Variants in MMP26 observed in about 807,000 individuals in gnomAD.
The protein encoded by MMP26 is matrix metalloproteinase-26.
A neutral mutation model predicts 31.0 loss-of-function variants in MMP26; 33 were observed. The observed-to-expected ratio is 1.06, with a 90% CI of 0.81 to 1.42. The LOEUF is 1.42. MMP26 is among the 40% of genes most tolerant of loss of function. The probability of loss-of-function intolerance (pLI) is 0.00; values close to 1 mark genes in which losing one functional copy is unlikely to be tolerated. For missense variants in MMP26, 347 were observed against 316.1 expected, an observed-to-expected ratio of 1.10 and a Z score of -0.74; for synonymous variants, 122 against 114.9, an observed-to-expected ratio of 1.06 and a Z score of -0.40.
intron 2 of MMP26, among the ~76,000 whole-genome samples, chr11:4,985,616 C>T (rs1054370113): frequency 1.3e-5 from 2 of 152,180 alleles, no homozygotes; most frequent in African/African-American, 4.8e-5. Flanking sequence ...CATTTGACCA[C>T]ATACATTACC....
intron 2 of MMP26, among the ~76,000 whole-genome samples, chr11:4,801,507 TA>T (rs1240287364): frequency 0.076 from 10 of 132 alleles, no homozygotes; most frequent in Non-Finnish European, 0.15. Context: ...CCGGACTTTT[TA>T]TTTATTTATT....
At chr11:4,922,704 G>A (rs1851202732) in intron 2 of MMP26, among the ~76,000 whole-genome samples, 1 of 152,116 alleles carries the variant, frequency 6.6e-6, no homozygotes, top group Non-Finnish European at 1.5e-5. Context: ...AAGAAATCAA[G>A]GCTTTTCCCC....
intron 2 of MMP26, chr11:4,913,997 C>T (rs1267151570): frequency 2.0e-5 from 3 of 152,116 alleles, no homozygotes; most frequent in Non-Finnish European, 2.9e-5. Flanking sequence ...GATTGTATAA[C>T]GAATCTTCCC....
intron 2 of MMP26, chr11:4,821,658 A>C (rs1231658465): frequency 6.2e-7 from 1 of 1,614,010 alleles, no homozygotes; most frequent in Non-Finnish European, 8.5e-7. Context: ...CCCTGTGTAC[A>C]CTTTCTACTA....
intron 2 of MMP26, chr11:4,848,302 T>A: frequency 6.2e-7 from 1 of 1,614,024 alleles, no homozygotes; most frequent in Non-Finnish European, 8.5e-7. Context: ...ATCTCCTTCA[T>A]CTTGACACTA....
chr11:4,818,781 G>C (rs1849454269), intron 2 of MMP26, among the ~76,000 whole-genome samples: 1 of 152,142 alleles, frequency 6.6e-6, no homozygotes, highest in South Asian at 2.1e-4. Context: ...GAATAGAGAA[G>C]GTACTTAATA....
Position 4,948,385 on chromosome 11 carries a change from G to A in MMP26, c.-144-39683G>A, listed in dbSNP as rs542855301. On this transcript the variant is annotated intron_variant, in intron 2 of 7. Transcript: ENST00000380390. ...TGATGAAGAAAATTTTTCTCAAGAT[G>A]AAGTCTTCTGTTTAAGATCACAGAA... Among the ~76,000 whole-genome samples, 42 of 124,552 alleles carry A rather than the reference G, an allele frequency of 3.4e-4. 8 individuals carry two copies. Among genetic ancestry groups the A allele is most frequent in the African/African-American group, 1.1e-3 (42 of 36,800 alleles). 81.7% of individuals were successfully genotyped at this position (124,552 alleles called of 152,430 possible).
rs11318208 is a variant in MMP26 at position 4,914,544 on chromosome 11, ACC to A, written c.-144-73517_-144-73516del. The A allele has an allele frequency of 2.4e-5, 13 of 541,320 alleles. No individual in the cohort carries two copies. In the Admixed American group the frequency reaches 2.9e-4, roughly 12 times the overall value. 33.5% of individuals were successfully genotyped at this position (541,320 alleles called of 1,614,324 possible). ...AATTTACCACATCATATTACATTTTACCCCCCCCTGCCCTGGCCACAACAGAG... is the reference window on the plus strand; with the variant it reads ...AATTTACCACATCATATTACATTTTACCCCCCTGCCCTGGCCACAACAGAG... On this transcript the variant is annotated intron_variant, in intron 2 of 7. Coordinates refer to ENST00000380390, the MANE Select transcript of MMP26 (RefSeq NM_021801.5).
At chr11:4,740,569 A>G (rs141358632) in intron 1 of MMP26, among the ~76,000 whole-genome samples, 2,121 of 151,892 alleles carry the variant, frequency 0.014, 47 homozygotes, top group African/African-American at 0.049. Flanking sequence ...TGTAATCCCA[A>G]CTACTCAGGA....
intron 2 of MMP26, among the ~76,000 whole-genome samples, chr11:4,987,430 T>A (rs1274008662): frequency 1.3e-5 from 2 of 152,026 alleles, no homozygotes; most frequent in Non-Finnish European, 2.9e-5. Flanking sequence ...TTTTGTTTTT[T>A]GTTTTTGAGA....
At chr11:4,796,108 C>A (rs1000869433) in intron 2 of MMP26, among the ~76,000 whole-genome samples, 1 of 152,152 alleles carries the variant, frequency 6.6e-6, no homozygotes, top group African/African-American at 2.4e-5. Context: ...TGTCACGTAA[C>A]CTACAGCTGC....
intron 2 of MMP26, chr11:4,877,188 C>T (rs1224735424): frequency 1.3e-5 from 2 of 152,204 alleles, no homozygotes; most frequent in African/African-American, 4.8e-5. Flanking sequence ...CATCATTGTA[C>T]TAGATGCCTT....
At chr11:4,864,110 A>C (rs961674845) in intron 2 of MMP26, among the ~76,000 whole-genome samples, 1 of 152,174 alleles carries the variant, frequency 6.6e-6, no homozygotes, top group African/African-American at 2.4e-5. Context: ...GCTGGAGTCT[A>C]CTGTTGTTTG....
intron 1 of MMP26, among the ~76,000 whole-genome samples, chr11:4,749,133 TTTCTA>T (rs1163156604): frequency 3.9e-5 from 6 of 152,172 alleles, no homozygotes; most frequent in African/African-American, 7.2e-5. Context: ...ATCAGTAGCA[TTTCTA>T]AATAACAATA....
chr11:4,773,499 T>C lies in MMP26; in HGVS notation c.-145+6158T>C, dbSNP rs368864096. On this transcript the variant is annotated intron_variant, in intron 2 of 7. Transcript: ENST00000380390. ...AGCTTGGAAGGATAGCCTTCCACAA[T>C]AAGGCTTCAAATGAGACACAGCCTT... 4.6e-5 allele frequency among the ~76,000 whole-genome samples: 7 copies of C among 151,720 alleles called. No homozygotes were observed. In the South Asian group the frequency reaches 1.0e-3, roughly 23 times the overall value.
At chr11:4,852,586 T>C (rs1849990543) in intron 2 of MMP26, among the ~76,000 whole-genome samples, 1 of 152,282 alleles carries the variant, frequency 6.6e-6, no homozygotes, top group East Asian at 1.9e-4. Context: ...GGTGAGAATG[T>C]GGAGAAAAGG....
intron 2 of MMP26, among the ~76,000 whole-genome samples, chr11:4,934,652 T>C (rs369130003): frequency 2.1e-5 from 3 of 145,100 alleles, no homozygotes; most frequent in East Asian, 2.0e-4. Flanking sequence ...TCCTTGCCCA[T>C]GCCTATGTCC....
chr11:4,924,674 C>G (rs1851243645), intron 2 of MMP26, among the ~76,000 whole-genome samples: 1 of 152,116 alleles, frequency 6.6e-6, no homozygotes, highest in Non-Finnish European at 1.5e-5. Flanking sequence ...AGATGTATGT[C>G]TTTAATAGCA....
At chr11:4,724,248 A>G (rs1848066185) in intron 1 of MMP26, 1 of 402,166 alleles carries the variant, frequency 2.5e-6, no homozygotes, top group East Asian at 3.6e-5. Context: ...TCTTATTACC[A>G]TAAGTCTTGC....
Sources: allele counts gnomAD v4.1 joint callset (sites outside exome capture counted in the v4.1 genomes callset), GRCh38; gene constraint gnomAD v4.1.1; transcripts MANE v1.5; gene names NCBI Gene and HGNC (gene_info 2026-07-23, HGNC 2026-07-21).